The following CSMD1 variants were observed in gnomAD, a reference collection of about 807,000 sequenced individuals.
The protein encoded by CSMD1 is CUB and Sushi multiple domains 1.
In CSMD1, 213 loss-of-function variants were observed where a neutral mutation model predicts 417.5. The ratio of observed to expected loss-of-function variants is 0.51; its 90% CI spans 0.46 to 0.57. The LOEUF (loss-of-function observed/expected upper bound fraction) is 0.57. Ranked by LOEUF, CSMD1 falls within the 20% of genes least tolerant of loss-of-function variation. The pLI is 0.00. For missense variants in CSMD1, 6,923 were observed against 4,529.7 expected, an observed-to-expected ratio of 1.53 and a Z score of -15.17; for synonymous variants, 2,862 against 1,736.8, an observed-to-expected ratio of 1.65 and a Z score of -16.11.
intron 18 of CSMD1, among the ~76,000 whole-genome samples, chr8:3,380,216 G>T (rs967062305): frequency 1.3e-5 from 2 of 152,130 alleles, no homozygotes; most frequent in African/African-American, 4.8e-5. Flanking sequence ...TTAGAAAGGG[G>T]ATCACTAAAA....
intron 10 of CSMD1, among the ~76,000 whole-genome samples, chr8:3,526,033 T>G (rs563905038): frequency 6.6e-6 from 1 of 152,132 alleles, no homozygotes; most frequent in African/African-American, 2.4e-5. Context: ...TTTACCCAAA[T>G]TAAACAATTA....
chr8:3,179,453 C>T (rs1311080820), intron 37 of CSMD1, among the ~76,000 whole-genome samples: 1 of 152,110 alleles, frequency 6.6e-6, no homozygotes, highest in Non-Finnish European at 1.5e-5. Context: ...TCTCAAAGTT[C>T]ATCTGAATGA....
chr8:4,445,065 C>G (rs531986627), intron 2 of CSMD1, among the ~76,000 whole-genome samples: 2 of 152,198 alleles, frequency 1.3e-5, no homozygotes, highest in African/African-American at 4.8e-5. Context: ...TGCACTCATA[C>G]AAAACTACAT....
At chr8:4,400,085 A>C (rs1229226536) in intron 3 of CSMD1, among the ~76,000 whole-genome samples, 1 of 152,170 alleles carries the variant, frequency 6.6e-6, no homozygotes, top group Admixed American at 6.5e-5. Flanking sequence ...GAGAGATCTA[A>C]ATACGAGTAC....
intron 3 of CSMD1, among the ~76,000 whole-genome samples, chr8:4,200,800 G>T (rs79698096): frequency 1.3e-5 from 2 of 152,200 alleles, no homozygotes; most frequent in Non-Finnish European, 1.5e-5. Context: ...GGAGGCTTCA[G>T]TGAACTATTG....
chr8:4,179,639 G>A (rs1798245367), intron 3 of CSMD1, among the ~76,000 whole-genome samples: 1 of 151,980 alleles, frequency 6.6e-6, no homozygotes, highest in Non-Finnish European at 1.5e-5. Flanking sequence ...GAGTGAACAG[G>A]CAACCTACAG....
chr8:4,081,101 G>A (rs1203292398), intron 3 of CSMD1, among the ~76,000 whole-genome samples: 1 of 152,132 alleles, frequency 6.6e-6, no homozygotes, highest in Non-Finnish European at 1.5e-5. Flanking sequence ...CAGAGAGATT[G>A]GACTGCTTCC....
At chr8:4,075,336 T>G (rs888853143) in intron 3 of CSMD1, among the ~76,000 whole-genome samples, 1 of 152,126 alleles carries the variant, frequency 6.6e-6, no homozygotes, top group Non-Finnish European at 1.5e-5. Context: ...TAAGAGAATA[T>G]AGAGCTCTCT....
At chr8:4,143,833 T>C (rs1006680943) in intron 3 of CSMD1, among the ~76,000 whole-genome samples, 4 of 151,046 alleles carry the variant, frequency 2.6e-5, no homozygotes, top group Non-Finnish European at 5.9e-5. Flanking sequence ...TTTTCTGGGA[T>C]TTAAGTACTT....
At chr8:3,950,990 C>G (rs1300282429) in intron 5 of CSMD1, among the ~76,000 whole-genome samples, 1 of 152,138 alleles carries the variant, frequency 6.6e-6, no homozygotes, top group Non-Finnish European at 1.5e-5. Context: ...ACAGTAAAAG[C>G]ATAATTCAAC....
chr8:3,084,204 G>C (rs1376969418), intron 49 of CSMD1, among the ~76,000 whole-genome samples: 3 of 152,174 alleles, frequency 2.0e-5, no homozygotes, highest in Non-Finnish European at 4.4e-5. Flanking sequence ...CTACAACTTA[G>C]GGAAGTATAT....
chr8:4,073,296 G>T (rs1402411393), intron 3 of CSMD1, among the ~76,000 whole-genome samples: 1 of 152,114 alleles, frequency 6.6e-6, no homozygotes, highest in Non-Finnish European at 1.5e-5. Context: ...AGAGAGTAAA[G>T]AAATTTAGCT....
At chr8:3,366,263 A>G (rs1435880693) in intron 20 of CSMD1, among the ~76,000 whole-genome samples, 1 of 152,152 alleles carries the variant, frequency 6.6e-6, no homozygotes, top group Non-Finnish European at 1.5e-5. Context: ...CATGCTGGAA[A>G]TGAAGACACT....
At chr8:3,908,085 A>G (rs1194060353) in intron 5 of CSMD1, among the ~76,000 whole-genome samples, 1 of 152,152 alleles carries the variant, frequency 6.6e-6, no homozygotes, top group Non-Finnish European at 1.5e-5. Context: ...TGGAGGTCAA[A>G]GCCCTAATGT....
intron 3 of CSMD1, among the ~76,000 whole-genome samples, chr8:4,372,061 C>T (rs560946471): frequency 4.6e-5 from 7 of 152,324 alleles, no homozygotes; most frequent in African/African-American, 1.7e-4. Context: ...GTGAACATGG[C>T]AGTAGGTGGC....
intron 3 of CSMD1, among the ~76,000 whole-genome samples, chr8:4,153,836 G>T (rs571257674): frequency 1.7e-4 from 26 of 152,312 alleles, no homozygotes; most frequent in Middle Eastern, 3.4e-3. Context: ...AACGTCACAT[G>T]CAAGTGGTGA....
intron 5 of CSMD1, among the ~76,000 whole-genome samples, chr8:3,879,923 T>C (rs1024429245): frequency 6.6e-6 from 1 of 152,144 alleles, no homozygotes; most frequent in Non-Finnish European, 1.5e-5. Context: ...AAATAGTGCT[T>C]GGTATGTGAT....
intron 5 of CSMD1, among the ~76,000 whole-genome samples, chr8:3,844,453 G>A (rs1349914181): frequency 6.6e-6 from 1 of 152,172 alleles, no homozygotes; most frequent in Non-Finnish European, 1.5e-5. Context: ...AGGAGGTCCA[G>A]GGAGTTGATG....
At chr8:3,332,336 G>A (rs567941366) in intron 23 of CSMD1, among the ~76,000 whole-genome samples, 1 of 152,356 alleles carries the variant, frequency 6.6e-6, no homozygotes, top group East Asian at 1.9e-4. Context: ...AAGGGAAGGT[G>A]GGGTTGCTGA....
Sources: gnomAD v4.1 joint callset for allele counts (sites outside exome capture counted in the v4.1 genomes callset) on GRCh38, gnomAD v4.1.1 for gene constraint, MANE v1.5 for transcripts, NCBI Gene and HGNC (gene_info 2026-07-23, HGNC 2026-07-21) for gene names.